TCF7L2: variants seen among roughly 807,000 people sequenced by gnomAD.
The protein encoded by TCF7L2 is transcription factor 7 like 2, also known as transcription factor 7-like 2.
TCF7L2 carries 23 observed loss-of-function variants against 77.9 expected under a neutral mutation model. That is an observed-to-expected ratio of 0.30 (90% CI 0.21 to 0.42). TCF7L2 has a LOEUF of 0.42. Ranked by LOEUF, TCF7L2 falls within the 10% of genes least tolerant of loss-of-function variation. TCF7L2 has a pLI of 1.00. For synonymous variants in TCF7L2, 413 were observed against 340.2 expected, an observed-to-expected ratio of 1.21 and a Z score of -2.36; for missense variants, 654 against 793.1, an observed-to-expected ratio of 0.82 and a Z score of 2.11.
chr10:113,117,419 C>G lies in TCF7L2; in HGVS notation c.553-23765C>G, dbSNP rs1243259818. On this transcript the variant is annotated intron_variant, in intron 5 of 13. Transcript: ENST00000627217. ...TCTCTCTCTCTCTCTCTCTCTCTCT[C>G]TCTCTCTCTCTCTCCCTCTCTCTCT... 1.1e-3 allele frequency among the ~76,000 whole-genome samples: 51 copies of G among 46,478 alleles called. 4 individuals carry two copies. Among genetic ancestry groups the G allele is most frequent in the African/African-American group, 4.9e-3 (50 of 10,256 alleles). The allele number at this position is 46,478 out of a possible 152,430, so 30.5% of individuals were successfully genotyped here.
intron 5 of TCF7L2, among the ~76,000 whole-genome samples, chr10:113,094,073 T>TG (rs899277537): frequency 3.7e-4 from 57 of 152,298 alleles, no homozygotes; most frequent in African/African-American, 1.3e-3. Context: ...TTGCATTTTT[T>TG]GGGGTGTGTG....
At chr10:113,000,576 A>G (rs888264157) in intron 4 of TCF7L2, among the ~76,000 whole-genome samples, 3 of 152,202 alleles carry the variant, frequency 2.0e-5, no homozygotes, top group Admixed American at 1.3e-4. Flanking sequence ...TAGCTATTCA[A>G]TAGCTGCCAA....
rs148228117 is a variant in TCF7L2 at position 112,967,098 on chromosome 10, C to T, written c.450+2474C>T. 1.4e-4 allele frequency among the ~76,000 whole-genome samples: 22 copies of T among 152,312 alleles called. No individual in the cohort carries two copies. The East Asian group carries it at 2.7e-3, about 19-fold the overall frequency. Reference sequence around the variant, plus strand: ...AGGGAAAAGAAGGGGAAAGCTTAGACGAAATGAAATTGTTCCCAAAGTACA... The same window carrying T: ...AGGGAAAAGAAGGGGAAAGCTTAGATGAAATGAAATTGTTCCCAAAGTACA... On this transcript the variant is annotated intron_variant, in intron 4 of 13. Coordinates refer to ENST00000627217, the MANE Select transcript of TCF7L2 (RefSeq NM_001146274.2).
At chr10:113,139,974 A>G (rs1285468076) in intron 5 of TCF7L2, among the ~76,000 whole-genome samples, 1 of 152,170 alleles carries the variant, frequency 6.6e-6, no homozygotes, top group Non-Finnish European at 1.5e-5. Context: ...GTGCCTTCCT[A>G]AAAGTAATAA....
At chr10:113,081,397 C>T (rs1036611560) in intron 5 of TCF7L2, among the ~76,000 whole-genome samples, 3 of 152,332 alleles carry the variant, frequency 2.0e-5, no homozygotes, top group Non-Finnish European at 4.4e-5. Context: ...TCTTCATTAG[C>T]TAGATTCACA....
At chr10:113,158,186 C>A in intron 12 of TCF7L2, 117 bp downstream of exon 12, 1 of 1,046,176 alleles carries the variant, frequency 9.6e-7, no homozygotes, top group Non-Finnish European at 1.4e-6. Flanking sequence ...TGTGGGGGAA[C>A]CCTTCTTAGC....
chr10:113,013,916 G>A (rs982747584), intron 4 of TCF7L2, among the ~76,000 whole-genome samples: 6 of 152,052 alleles, frequency 3.9e-5, no homozygotes, highest in African/African-American at 1.4e-4. Flanking sequence ...TTATTGAGTT[G>A]TTAACTTATT....
chr10:113,160,115 G>GCCGTGTCATTAA, intron 12 of TCF7L2, 123 bp downstream of exon 14: 1 of 801,842 alleles, frequency 1.2e-6, no homozygotes, highest in Non-Finnish European at 2.0e-6. Flanking sequence ...AGGGGAGTGG[G>GCCGTGTCATTAA]ACACTGCCAA....
chr10:112,954,625 A>T (rs1043935532), intron 3 of TCF7L2, among the ~76,000 whole-genome samples: 8 of 152,216 alleles, frequency 5.3e-5, no homozygotes, highest in African/African-American at 1.9e-4. Context: ...AACTGCAAAT[A>T]TTAGAACTGT....
intron 5 of TCF7L2, among the ~76,000 whole-genome samples, chr10:113,120,401 T>C (rs374980027): frequency 3.9e-5 from 6 of 152,148 alleles, no homozygotes; most frequent in South Asian, 2.1e-4. Context: ...TTTTCAGATG[T>C]TGCGATTTAG....
At chr10:113,072,271 G>A (rs1035678169) in intron 5 of TCF7L2, among the ~76,000 whole-genome samples, 3 of 151,926 alleles carry the variant, frequency 2.0e-5, no homozygotes, top group African/African-American at 4.8e-5. Context: ...TAGCCAGGAT[G>A]GTGTAGATCT....
Position 113,039,552 on chromosome 10 carries a change from C to T in TCF7L2, c.451-473C>T, listed in dbSNP as rs571012959. On this transcript the variant is annotated intron_variant, in intron 4 of 13. Transcript: ENST00000627217. ...CAGCTGCTCATATGTACTTGACTTC[C>T]TTTAAAGTGAAGGATGATGACATTT... Among the ~76,000 whole-genome samples the T allele has an allele frequency of 3.3e-5, 5 of 152,276 alleles. No individual in the cohort carries two copies. In the South Asian group the frequency reaches 1.0e-3, roughly 32 times the overall value.
At chr10:112,968,071 C>A (rs2037404206) in intron 4 of TCF7L2, among the ~76,000 whole-genome samples, 1 of 152,136 alleles carries the variant, frequency 6.6e-6, no homozygotes, top group Non-Finnish European at 1.5e-5. Flanking sequence ...TGAAGTTTTC[C>A]ATATGTGAAC....
At chr10:113,032,519 C>T (rs947704582) in intron 4 of TCF7L2, among the ~76,000 whole-genome samples, 1 of 152,174 alleles carries the variant, frequency 6.6e-6, no homozygotes, top group South Asian at 2.1e-4. Context: ...GAAAGTCTTG[C>T]TTATTACTTT....
intron 11 of TCF7L2, among the ~76,000 whole-genome samples, chr10:113,153,350 C>T (rs546562542): frequency 1.3e-5 from 2 of 152,192 alleles, no homozygotes; most frequent in African/African-American, 2.4e-5. Context: ...CATTTGGTTC[C>T]GTGAAGGGAT....
chr10:113,153,673 A>G (rs2071235519), intron 11 of TCF7L2, among the ~76,000 whole-genome samples: 2 of 152,194 alleles, frequency 1.3e-5, no homozygotes, highest in African/African-American at 4.8e-5. Context: ...GGCCAGAGCT[A>G]GTCATGTGAC....
chr10:113,092,373 T>TAA (rs1375870429), intron 5 of TCF7L2, among the ~76,000 whole-genome samples: 1 of 152,200 alleles, frequency 6.6e-6, no homozygotes, highest in African/African-American at 2.4e-5. Context: ...CCATCAGTGA[T>TAA]AAAGGTTCAC....
chr10:113,038,307 A>C (rs1359003709), intron 4 of TCF7L2, among the ~76,000 whole-genome samples: 1 of 152,168 alleles, frequency 6.6e-6, no homozygotes, highest in Non-Finnish European at 1.5e-5. Flanking sequence ...TCTTGTGGCA[A>C]GATGCAGACA....
chr10:113,095,868 C>A (rs1788410666), intron 5 of TCF7L2, among the ~76,000 whole-genome samples: 1 of 152,204 alleles, frequency 6.6e-6, no homozygotes, highest in Non-Finnish European at 1.5e-5. Context: ...GCAAGCTGTG[C>A]CCATGTCTCT....
Sources: allele counts gnomAD v4.1 joint callset (sites outside exome capture counted in the v4.1 genomes callset), GRCh38; gene constraint gnomAD v4.1.1; transcripts MANE v1.5; gene names NCBI Gene and HGNC (gene_info 2026-07-23, HGNC 2026-07-21).